Variants in ZNF90 observed in about 807,000 individuals in gnomAD.
ZNF90 encodes the protein zinc finger protein HTF9.
ZNF90 carries 11 observed loss-of-function variants against 12.0 expected under a neutral mutation model. The observed-to-expected ratio is 0.92, with a 90% CI of 0.58 to 1.52. The LOEUF is 1.52. ZNF90 is among the 40% of genes most tolerant of loss of function. The pLI, the probability that ZNF90 is intolerant of heterozygous loss-of-function variation, is 0.00. For synonymous variants in ZNF90, 232 were observed against 240.1 expected (o/e 0.97, Z 0.31); for missense variants, 765 against 711.5 (o/e 1.08, Z -0.86).
At chr19:20,092,711 C>T (rs116790079) in intron 1 of ZNF90, among the ~76,000 whole-genome samples, 1,580 of 152,224 alleles carry the variant, frequency 0.01, 36 homozygotes, top group African/African-American at 0.035. Flanking sequence ...TAGTCGGATA[C>T]GATCGGCAGG....
chr19:20,113,665 A>G (rs1404153771), intron 3 of ZNF90, among the ~76,000 whole-genome samples: 1 of 151,932 alleles, frequency 6.6e-6, no homozygotes, highest in Admixed American at 6.5e-5. Context: ...CGTCTGTACT[A>G]AAAATACAAA....
At chr19:20,107,192 C>A (rs1293194361) in intron 3 of ZNF90, 1 of 354,706 alleles carries the variant, frequency 2.8e-6, no homozygotes, top group Non-Finnish European at 5.6e-6. Context: ...AGGCCAATGT[C>A]TTCATGCCTG....
At position 20,118,019 on chromosome 19, in the gene ZNF90, T is replaced by C. The variant is rs199584933; in HGVS notation, c.465T>C (p.His155=). 6.2e-7 allele frequency: 1 copy of C among 1,612,138 alleles called. No homozygotes were observed. The highest frequency in any genetic ancestry group is 8.5e-7 in the Non-Finnish European group (1 of 1,179,022). ...FQCDTYVKVS[H]IFSNSNRHKI... is the part of the protein sequence containing the mutation. ...GTGATACATATGTGAAAGTCTCTCA[T>C]ATATTTTCAAATTCAAACAGACATA... Residue 155 remains histidine (H), a synonymous_variant, in exon 4 of 4, where the codon CAT becomes CAC. Coordinates refer to ENST00000418063, the MANE Select transcript of ZNF90 (RefSeq NM_007138.2).
In ZNF90 at chr19:20,119,294, T is replaced by C; in HGVS notation, c.1740T>C (p.Leu580=). The change falls in exon 4 of 4, where the codon CTT becomes CTC. Residue 580 remains leucine, a synonymous_variant. Transcript: ENST00000418063. ...CGKAFNLSSD[L]NTHKRIHIGQ... ...AAGCTTTTAACTTGTCCTCAGACCT[T>C]AATACACATAAGAGGATTCATATTG... 6.2e-7 allele frequency: 1 copy of C among 1,612,206 alleles called. No individual in the cohort carries two copies.
At chr19:20,087,489 C>T (rs2088868037) in intron 1 of ZNF90, 1 of 152,188 alleles carries the variant, frequency 6.6e-6, no homozygotes, top group African/African-American at 2.4e-5. Flanking sequence ...GGAGTTGAAA[C>T]ACTGCTCCCA....
chr19:20,114,765 GTTCTCTATA>G (rs1473226384), intron 3 of ZNF90, among the ~76,000 whole-genome samples: 2 of 152,070 alleles, frequency 1.3e-5, no homozygotes, highest in Non-Finnish European at 2.9e-5. Context: ...GTTGAGGAGT[GTTCTCTATA>G]CCTTCATTAG....
In ZNF90 at chr19:20,117,857, A is replaced by C; in HGVS notation, c.303A>C (p.Thr101=). The C allele has an allele frequency of 6.2e-7, 1 of 1,607,722 alleles. No homozygotes were observed. The highest frequency in any genetic ancestry group is 1.1e-5 in the South Asian group (1 of 90,142). The stretch of plus-strand genomic sequence containing the variant: ...ATTCCTTCCAAAAAGTGATAGTGAC[A>C]AGATATGAAAAACGTGAATATGGCA... ...LKDSFQKVIV[T]RYEKREYGNL... is the part of the protein sequence containing the mutation. Residue 101 remains threonine, a synonymous_variant, in exon 4 of 4, where the codon ACA becomes ACC. Transcript: ENST00000418063.
At chr19:20,093,507 G>T (rs1306357023) in intron 1 of ZNF90, among the ~76,000 whole-genome samples, 2 of 152,208 alleles carry the variant, frequency 1.3e-5, no homozygotes, top group South Asian at 2.1e-4. Context: ...GGAGGCTTTT[G>T]GTTGGGGAGA....
In ZNF90 at chr19:20,105,232, A is replaced by C; in HGVS notation, c.142A>C (p.Thr48Pro). The change falls in exon 3 of 4, where the codon ACT (threonine) becomes CCT (proline). Residue 48 changes from threonine to proline, a missense_variant. Transcript: ENST00000418063. ...TTTTAATAAAACAGGTATTGTTGTC[A>C]CTAAGCCAGACCTGATCACCTGTCT... ...RHLVFLGIVV[T>P]KPDLITCLEQ... 1 of 1,602,016 alleles carries C rather than the reference A, an allele frequency of 6.2e-7. No individual in the cohort carries two copies.
Position 20,118,827 on chromosome 19 carries a change from T to A in ZNF90, c.1273T>A (p.Tyr425Asn). The change falls in exon 4 of 4, where the codon TAC becomes AAC. Residue 425 changes from tyrosine to asparagine, a missense_variant. Transcript: ENST00000418063. Reference protein sequence around the residue: ...HKISHTEEKPYKCQECDKVFK... With the variant: ...HKISHTEEKPNKCQECDKVFK... ...GATAAGTCATACTGAAGAGAAACCCTACAAATGTCAAGAATGTGACAAAGT... is the reference window on the plus strand; with the variant it reads ...GATAAGTCATACTGAAGAGAAACCCAACAAATGTCAAGAATGTGACAAAGT... 6.2e-7 allele frequency: 1 copy of A among 1,603,704 alleles called. No homozygotes were observed. The highest frequency in any genetic ancestry group is 8.5e-7 in the Non-Finnish European group (1 of 1,175,004).
At chr19:20,098,418 G>A (rs1465015239) in intron 1 of ZNF90, among the ~76,000 whole-genome samples, 1 of 152,186 alleles carries the variant, frequency 6.6e-6, no homozygotes, top group Admixed American at 6.5e-5. Flanking sequence ...GGCTCCAGGA[G>A]GAACTAGCAT....
chr19:20,113,304 C>T (rs1555705345), intron 3 of ZNF90, among the ~76,000 whole-genome samples: 1 of 151,964 alleles, frequency 6.6e-6, no homozygotes, highest in African/African-American at 2.4e-5. Flanking sequence ...CCTTCTCCTG[C>T]CTCAGCCTTC....
intron 3 of ZNF90, among the ~76,000 whole-genome samples, chr19:20,105,742 T>C (rs1555704336): frequency 6.6e-6 from 1 of 152,228 alleles, no homozygotes; most frequent in Non-Finnish European, 1.5e-5. Context: ...TTTTTCTGCA[T>C]GGTCCATTCT....
intron 3 of ZNF90, among the ~76,000 whole-genome samples, chr19:20,107,954 T>C (rs539853495): frequency 8.8e-4 from 134 of 152,146 alleles, no homozygotes; most frequent in Non-Finnish European, 1.0e-3. Context: ...TATATCTAAA[T>C]AATATAGATT....
At chr19:20,098,821 GTGTT>G (rs2088967866) in intron 1 of ZNF90, among the ~76,000 whole-genome samples, 1 of 152,178 alleles carries the variant, frequency 6.6e-6, no homozygotes, top group South Asian at 2.1e-4. Context: ...GAGTCATCCT[GTGTT>G]TGTTCCTCCT....
intron 1 of ZNF90, among the ~76,000 whole-genome samples, chr19:20,086,797 A>G (rs951225559): frequency 5.3e-5 from 8 of 152,230 alleles, no homozygotes; most frequent in African/African-American, 1.4e-4. Flanking sequence ...TTAAGTAGAT[A>G]TTAGTGTGAC....
At chr19:20,115,088 T>A (rs1484690046) in intron 3 of ZNF90, among the ~76,000 whole-genome samples, 8 of 152,124 alleles carry the variant, frequency 5.3e-5, no homozygotes, top group Non-Finnish European at 1.0e-4. Flanking sequence ...AATATGACAG[T>A]TTTTGACTTA....
At chr19:20,111,909 A>G (rs1445305210) in intron 3 of ZNF90, among the ~76,000 whole-genome samples, 1 of 151,340 alleles carries the variant, frequency 6.6e-6, no homozygotes, top group East Asian at 1.9e-4. Context: ...CCCAGGCTGG[A>G]GTACAGTGGC....
intron 1 of ZNF90, among the ~76,000 whole-genome samples, chr19:20,095,035 C>T (rs1307864864): frequency 2.6e-5 from 4 of 151,812 alleles, no homozygotes; most frequent in African/African-American, 9.7e-5. Flanking sequence ...TGGGACTTAG[C>T]TCGGCCTGGC....
Sources: gnomAD v4.1 joint callset for allele counts (sites outside exome capture counted in the v4.1 genomes callset) on GRCh38, gnomAD v4.1.1 for gene constraint, MANE v1.5 for transcripts, NCBI Gene and HGNC (gene_info 2026-07-23, HGNC 2026-07-21) for gene names.